WWOX: variants seen among roughly 807,000 people sequenced by gnomAD.
WWOX encodes WW domain containing oxidoreductase.
WWOX carries 69 observed loss-of-function variants against 46.2 expected under a neutral mutation model. That is an observed-to-expected ratio of 1.49 (90% confidence interval 1.23 to 1.82). The LOEUF is 1.82. Ranked by LOEUF, WWOX falls within the 40% of genes most tolerant of loss-of-function variation. The probability of loss-of-function intolerance (pLI) is 0.00; values close to 1 mark genes in which losing one functional copy is unlikely to be tolerated. For missense variants in WWOX, 919 were observed against 542.6 expected (o/e 1.69, Z -6.89); for synonymous variants, 359 against 202.6 (o/e 1.77, Z -6.56).
At chr16:78,157,473 G>T (rs1275792973) in intron 4 of WWOX, among the ~76,000 whole-genome samples, 2 of 152,134 alleles carry the variant, frequency 1.3e-5, no homozygotes, top group East Asian at 3.8e-4. Flanking sequence ...TTAAAGGTTG[G>T]AGATACAGCT....
rs1228174505 is a variant in WWOX, at chr16:78,433,424, G to A, written c.1056+672G>A. ...TTCTATGAAATGGTTTTAGTAGGAA[G>A]TATTTTGAATGAAGAAAGCGTATTT... On this transcript the variant is annotated intron_variant, in intron 8 of 8. Coordinates refer to ENST00000566780, the MANE Select transcript of WWOX (RefSeq NM_016373.4). Among the ~76,000 whole-genome samples, 3 of 152,204 alleles carry A rather than the reference G, an allele frequency of 2.0e-5. 1 individual carries two copies. Among genetic ancestry groups the A allele is most frequent in the Non-Finnish European group, 4.4e-5 (3 of 68,048 alleles).
At chr16:78,917,195 CT>C (rs1306933131) in intron 8 of WWOX, among the ~76,000 whole-genome samples, 27 of 152,316 alleles carry the variant, frequency 1.8e-4, no homozygotes, top group Admixed American at 1.2e-3. Context: ...TCTGGCAAGT[CT>C]TGGGTCACAT....
intron 8 of WWOX, among the ~76,000 whole-genome samples, chr16:78,690,648 C>G (rs868216918): frequency 6.8e-6 from 1 of 146,736 alleles, no homozygotes; most frequent in East Asian, 1.9e-4. Context: ...CAGTTGCAAA[C>G]TCAGAAGGAT....
intron 8 of WWOX, chr16:79,203,112 C>T (rs977707306): frequency 9.9e-5 from 15 of 152,186 alleles, no homozygotes; most frequent in African/African-American, 3.1e-4. Flanking sequence ...TAACTAGCAA[C>T]ACGCTGCTGG....
chr16:78,318,773 G>A (rs1446159640), intron 5 of WWOX, among the ~76,000 whole-genome samples: 1 of 152,244 alleles, frequency 6.6e-6, no homozygotes, highest in African/African-American at 2.4e-5. Flanking sequence ...TTAAAAAATA[G>A]CACAGAGGGG....
chr16:78,348,673 G>T (rs1304435241), intron 5 of WWOX, among the ~76,000 whole-genome samples: 1 of 119,394 alleles, frequency 8.4e-6, no homozygotes, highest in African/African-American at 2.8e-5. Flanking sequence ...GCCCAGGCTG[G>T]TCTCTAACTC....
chr16:79,159,644 T>C (rs2050446913), intron 8 of WWOX, among the ~76,000 whole-genome samples: 4 of 152,190 alleles, frequency 2.6e-5, no homozygotes, highest in Admixed American at 2.0e-4. Flanking sequence ...CCGTGTCCCC[T>C]TGCAGGACAA....
intron 8 of WWOX, among the ~76,000 whole-genome samples, chr16:78,828,199 A>G (rs1254115952): frequency 6.6e-6 from 1 of 152,180 alleles, no homozygotes; most frequent in Non-Finnish European, 1.5e-5. Flanking sequence ...TTGGGGGCTG[A>G]GGACTTCAAG....
At chr16:79,195,340 C>T (rs1444715569) in intron 8 of WWOX, among the ~76,000 whole-genome samples, 3 of 151,974 alleles carry the variant, frequency 2.0e-5, no homozygotes, top group Admixed American at 1.3e-4. Flanking sequence ...CCAGTCAATC[C>T]CAAGGAAACT....
chr16:79,051,411 C>A (rs2048164750), intron 8 of WWOX, among the ~76,000 whole-genome samples: 1 of 152,174 alleles, frequency 6.6e-6, no homozygotes, highest in South Asian at 2.1e-4. Flanking sequence ...AATTCAGGAA[C>A]CCAGGCTCCT....
At chr16:79,158,924 G>C (rs1333012701) in intron 8 of WWOX, among the ~76,000 whole-genome samples, 1 of 152,056 alleles carries the variant, frequency 6.6e-6, no homozygotes, top group Non-Finnish European at 1.5e-5. Flanking sequence ...ACAGTGCCCA[G>C]GACACACCAG....
intron 8 of WWOX, among the ~76,000 whole-genome samples, chr16:78,830,154 G>C (rs889758682): frequency 1.6e-4 from 24 of 152,276 alleles, no homozygotes; most frequent in African/African-American, 4.6e-4. Flanking sequence ...AACAGCAGCA[G>C]CAAGAGCTGC....
At chr16:78,465,272 A>G (rs951165036) in intron 8 of WWOX, among the ~76,000 whole-genome samples, 1 of 152,238 alleles carries the variant, frequency 6.6e-6, no homozygotes, top group African/African-American at 2.4e-5. Context: ...TGGAAATCAT[A>G]CTGATTTAGA....
intron 8 of WWOX, among the ~76,000 whole-genome samples, chr16:78,821,057 TAA>T (rs1170909389): frequency 6.6e-6 from 1 of 152,198 alleles, no homozygotes; most frequent in Non-Finnish European, 1.5e-5. Flanking sequence ...TGTTTCCAAA[TAA>T]AGTCACATTC....
chr16:78,524,566 G>C (rs2043418266), intron 8 of WWOX, among the ~76,000 whole-genome samples: 1 of 151,532 alleles, frequency 6.6e-6, no homozygotes, highest in Non-Finnish European at 1.5e-5. Flanking sequence ...GATTACAGTT[G>C]TGCACCACCA....
chr16:78,440,963 G>T (rs1358377734), intron 8 of WWOX, among the ~76,000 whole-genome samples: 1 of 151,556 alleles, frequency 6.6e-6, no homozygotes, highest in South Asian at 2.1e-4. Context: ...TTTTTTTTGA[G>T]ATGAAGTCTT....
intron 5 of WWOX, among the ~76,000 whole-genome samples, chr16:78,295,623 A>C (rs1478995520): frequency 2.6e-5 from 4 of 152,210 alleles, no homozygotes; most frequent in Non-Finnish European, 4.4e-5. Context: ...AGATGGGAGA[A>C]TCGCTTGAAC....
At chr16:78,560,526 C>G in intron 8 of WWOX, among the ~76,000 whole-genome samples, 1 of 152,234 alleles carries the variant, frequency 6.6e-6, no homozygotes, top group East Asian at 1.9e-4. Flanking sequence ...TGCCTGTAAT[C>G]CCAGCTACTT....
chr16:78,099,948 C>T (rs2031646121), intron 1 of WWOX, 63 bp downstream of exon 1: 1 of 1,532,684 alleles, frequency 6.5e-7, no homozygotes, highest in Admixed American at 2.1e-5. Flanking sequence ...CGGACGCCAC[C>T]TGCGCGGGGA....
Sources: gnomAD v4.1 joint callset for allele counts (sites outside exome capture counted in the v4.1 genomes callset) on GRCh38, gnomAD v4.1.1 for gene constraint, MANE v1.5 for transcripts, NCBI Gene and HGNC (gene_info 2026-07-23, HGNC 2026-07-21) for gene names.